The following SLC13A1 variants were observed in gnomAD, a reference collection of about 807,000 sequenced individuals.
SLC13A1 encodes the protein Na(+)/sulfate cotransporter.
Under a neutral mutation model 70.0 loss-of-function variants are expected in SLC13A1, and 65 were observed. The observed-to-expected ratio is 0.93, with a 90% CI of 0.76 to 1.14. The LOEUF is 1.14. SLC13A1 is among the 50% of genes most tolerant of loss of function. The pLI is 0.00. For synonymous variants in SLC13A1, 275 were observed against 250.5 expected (o/e 1.10, Z -0.92); for missense variants, 726 against 717.8 (o/e 1.01, Z -0.13).
intron 3 of SLC13A1, among the ~76,000 whole-genome samples, chr7:123,170,931 A>G (rs75919174): frequency 6.8e-6 from 1 of 146,428 alleles, no homozygotes; most frequent in Non-Finnish European, 1.5e-5. Flanking sequence ...TAAAAAAAAA[A>G]TTGAAAATTT....
chr7:123,149,325 C>T (rs17541846), intron 6 of SLC13A1: 7,327 of 365,452 alleles, frequency 0.02, 124 homozygotes, highest in Non-Finnish European at 0.029. Flanking sequence ...AATTCAGCCA[C>T]GAGTTTTTAC....
At chr7:123,192,774 C>T (rs1445056616) in intron 1 of SLC13A1, among the ~76,000 whole-genome samples, 1 of 152,134 alleles carries the variant, frequency 6.6e-6, no homozygotes, top group Non-Finnish European at 1.5e-5. Flanking sequence ...ACCCCTACTG[C>T]AGCAGTGATT....
chr7:123,134,426 G>A lies in SLC13A1; in HGVS notation c.916C>T (p.Leu306Phe), dbSNP rs760345409. 2 of 1,612,924 alleles carry A rather than the reference G, an allele frequency of 1.2e-6. No homozygotes were observed. The highest frequency in any genetic ancestry group is 4.5e-5 in the East Asian group (2 of 44,806). ...LLLSWIWLQW[L>F]FLGFNFKEMF... Reference sequence around the variant, plus strand: ...TTTACTTACTTGAATCCTAGGAAAAGCCACTGAAGCCAGATCCAGGATAAG... The same window carrying A: ...TTTACTTACTTGAATCCTAGGAAAAACCACTGAAGCCAGATCCAGGATAAG... The change falls in exon 8 of 15, where the codon CTT becomes TTT. Residue 306 changes from leucine to phenylalanine, a missense_variant. Coordinates refer to ENST00000194130, the MANE Select transcript of SLC13A1 (RefSeq NM_022444.4).
In SLC13A1 at chr7:123,164,739, A is replaced by G. The variant is rs1327417595; in HGVS notation, c.660+3635T>C. Among the ~76,000 whole-genome samples the G allele has an allele frequency of 8.6e-5, 13 of 152,020 alleles. 1 individual carries two copies. Among genetic ancestry groups the G allele is most frequent in the Admixed American group, 8.5e-4 (13 of 15,230 alleles). ...CATATCAAAAAGTTAGAAAGACCTC[A>G]AATTAACAACCTAACATCACAACTG... On this transcript the variant is annotated intron_variant, in intron 6 of 14. Coordinates refer to ENST00000194130, the MANE Select transcript of SLC13A1 (RefSeq NM_022444.4).
intron 9 of SLC13A1, 122 bp downstream of exon 9, chr7:123,129,261 G>A (rs999486832): frequency 1.7e-5 from 14 of 840,428 alleles, no homozygotes; most frequent in Middle Eastern, 2.3e-4. Flanking sequence ...TACCTTGCAA[G>A]CAATTATGTG....
At chr7:123,159,346 G>C in intron 6 of SLC13A1, among the ~76,000 whole-genome samples, 1 of 152,134 alleles carries the variant, frequency 6.6e-6, no homozygotes, top group East Asian at 1.9e-4. Context: ...AATCCGATAG[G>C]GCTGATGTCC....
At chr7:123,149,452 G>A (rs1794478532) in intron 6 of SLC13A1, 1 of 456,362 alleles carries the variant, frequency 2.2e-6, no homozygotes, top group South Asian at 1.5e-5. Flanking sequence ...ACCTTGTTAA[G>A]TAGGAGACTC....
chr7:123,127,340 A>G (rs1793594797), intron 10 of SLC13A1, among the ~76,000 whole-genome samples: 1 of 152,130 alleles, frequency 6.6e-6, no homozygotes, highest in African/African-American at 2.4e-5. Flanking sequence ...AGAAACAGAA[A>G]TTGGAAGCTG....
chr7:123,176,133 T>C (rs1412495560), intron 2 of SLC13A1, among the ~76,000 whole-genome samples: 2 of 152,230 alleles, frequency 1.3e-5, no homozygotes, highest in Non-Finnish European at 1.5e-5. Context: ...GTTTTCTCAA[T>C]AGACCATGCA....
intron 7 of SLC13A1, among the ~76,000 whole-genome samples, chr7:123,144,170 C>T (rs756742091): frequency 6.6e-6 from 1 of 151,998 alleles, no homozygotes; most frequent in Non-Finnish European, 1.5e-5. Context: ...AGATGTCCCT[C>T]AGTTTTTGAA....
chr7:123,173,259 G>A (rs554579047), intron 2 of SLC13A1, among the ~76,000 whole-genome samples: 10 of 151,954 alleles, frequency 6.6e-5, no homozygotes, highest in South Asian at 2.1e-4. Flanking sequence ...GCTTGGCTTC[G>A]TTTCGATAAA....
chr7:123,191,116 T>A (rs1162503323), intron 1 of SLC13A1, among the ~76,000 whole-genome samples: 1 of 152,176 alleles, frequency 6.6e-6, no homozygotes, highest in Non-Finnish European at 1.5e-5. Flanking sequence ...TCTAGCACTT[T>A]TACAGTTGCT....
intron 12 of SLC13A1, among the ~76,000 whole-genome samples, chr7:123,122,779 C>A (rs1419295133): frequency 6.6e-6 from 1 of 151,908 alleles, no homozygotes; most frequent in Non-Finnish European, 1.5e-5. Flanking sequence ...AAGGCATAAG[C>A]AAACGAAAAG....
chr7:123,130,076 A>G (rs1793704503), intron 8 of SLC13A1, among the ~76,000 whole-genome samples: 1 of 152,116 alleles, frequency 6.6e-6, no homozygotes. Context: ...CAGATCCATC[A>G]ATTTTCACAA....
intron 7 of SLC13A1, among the ~76,000 whole-genome samples, chr7:123,142,135 A>G (rs1794176516): frequency 6.6e-6 from 1 of 152,110 alleles, no homozygotes; most frequent in Non-Finnish European, 1.5e-5. Context: ...ACTGTGGCTC[A>G]GCTAGCACTC....
At chr7:123,178,182 C>A (rs1795518587) in intron 2 of SLC13A1, among the ~76,000 whole-genome samples, 1 of 151,806 alleles carries the variant, frequency 6.6e-6, no homozygotes, top group Non-Finnish European at 1.5e-5. Context: ...TGGTTTAGTT[C>A]AACAAATATG....
intron 7 of SLC13A1, among the ~76,000 whole-genome samples, chr7:123,137,577 A>G (rs929114897): frequency 6.6e-6 from 1 of 152,130 alleles, no homozygotes; most frequent in African/African-American, 2.4e-5. Context: ...GCCAACAGCC[A>G]GCAAGAAAAT....
chr7:123,179,169 C>T (rs1488944297), intron 2 of SLC13A1, among the ~76,000 whole-genome samples: 3 of 151,938 alleles, frequency 2.0e-5, no homozygotes, highest in East Asian at 3.9e-4. Flanking sequence ...ATTCAAGCAA[C>T]ATTTTCATGA....
intron 1 of SLC13A1, among the ~76,000 whole-genome samples, chr7:123,193,573 G>A (rs895437878): frequency 4.6e-5 from 7 of 152,136 alleles, no homozygotes; most frequent in African/African-American, 1.4e-4. Flanking sequence ...AAGGCAATCT[G>A]AGCACAGCTT....
Sources: allele counts gnomAD v4.1 joint callset (sites outside exome capture counted in the v4.1 genomes callset), GRCh38; gene constraint gnomAD v4.1.1; transcripts MANE v1.5; gene names NCBI Gene and HGNC (gene_info 2026-07-23, HGNC 2026-07-21).